CLIC6: variants seen among roughly 807,000 people sequenced by gnomAD.
CLIC6 encodes the protein CLIC family member 6.
A neutral mutation model predicts 49.2 loss-of-function variants in CLIC6; 39 were observed. The observed-to-expected ratio is 0.79, with a 90% CI of 0.61 to 1.04. The LOEUF is 1.04. CLIC6 is among the 50% of genes least tolerant of loss of function. CLIC6 has a pLI of 0.00. For missense variants in CLIC6, 988 were observed against 993.1 expected (o/e 0.99, Z 0.07); for synonymous variants, 446 against 433.4 (o/e 1.03, Z -0.36).
rs770619828 is a variant in CLIC6 at position 34,670,047 on chromosome 21, T to C, written c.659T>C (p.Val220Ala). The change falls in exon 1 of 6, where the codon GTA (valine) becomes GCA (alanine). Residue 220 changes from valine (V) to alanine (A), a missense_variant. By Grantham distance (64) the Val-to-Ala change is moderately conservative. This residue lies in a region of CLIC6 where 57 missense variants were observed against 117.6 expected (regional missense o/e 0.48). Transcript: ENST00000349499. ...IQAEGPAGDS[V>A]DAEGRVGDSV... ...GCCGAGGGCCCGGCGGGGGACAGCG[T>C]AGACGCGGAGGGCCGGGTGGGGGAC... 20 of 1,353,716 alleles carry C rather than the reference T, an allele frequency of 1.5e-5. No homozygotes were observed. The highest frequency in any genetic ancestry group is 3.9e-5 in the Admixed American group (1 of 25,472). The allele number at this position is 1,353,716 out of a possible 1,614,324, so 83.9% of individuals were successfully genotyped here. A position where few individuals can be genotyped will look rare whatever the true frequency, so the allele number is the denominator to read the frequency against.
intron 1 of CLIC6, among the ~76,000 whole-genome samples, chr21:34,703,265 G>A (rs1440577340): frequency 2.6e-5 from 4 of 152,166 alleles, no homozygotes; most frequent in Non-Finnish European, 5.9e-5. Context: ...TATTTGGGCA[G>A]AGTAGAGAAA....
intron 1 of CLIC6, among the ~76,000 whole-genome samples, chr21:34,687,505 T>C (rs781418163): frequency 6.6e-6 from 1 of 152,246 alleles, no homozygotes; most frequent in Non-Finnish European, 1.5e-5. Flanking sequence ...ATAATTCATA[T>C]ATAAGAATAG....
chr21:34,678,397 G>A (rs1210551840), intron 1 of CLIC6, among the ~76,000 whole-genome samples: 1 of 151,354 alleles, frequency 6.6e-6, no homozygotes, highest in Non-Finnish European at 1.5e-5. Flanking sequence ...AGCCGAGATT[G>A]CACTCCAGCC....
chr21:34,677,100 C>T (rs779169415), intron 1 of CLIC6, among the ~76,000 whole-genome samples: 7 of 152,158 alleles, frequency 4.6e-5, no homozygotes, highest in South Asian at 4.1e-4. Context: ...GGCTAAAATC[C>T]GTGCTTGTAT....
chr21:34,701,036 T>A lies in CLIC6; in HGVS notation c.1375-6244T>A, dbSNP rs1990178183. ...TCACTTGGAGTAGGTATAGGATGTGTTACTTTTTAGGAGAAAAAAAATCAG... is the reference window on the plus strand; with the variant it reads ...TCACTTGGAGTAGGTATAGGATGTGATACTTTTTAGGAGAAAAAAAATCAG... On this transcript the variant is annotated intron_variant, in intron 1 of 5. Transcript: ENST00000349499. Among the ~76,000 whole-genome samples, 3 of 138,106 alleles carry A rather than the reference T, an allele frequency of 2.2e-5. 1 individual carries two copies. In the South Asian group the frequency reaches 6.9e-4, roughly 32 times the overall value. 90.6% of individuals were successfully genotyped at this position (138,106 alleles called of 152,430 possible). A position where few individuals can be genotyped will look rare whatever the true frequency, so the allele number is the denominator to read the frequency against.
At chr21:34,692,436 G>A (rs779502369) in intron 1 of CLIC6, among the ~76,000 whole-genome samples, 31 of 152,252 alleles carry the variant, frequency 2.0e-4, no homozygotes, top group Admixed American at 1.1e-3. Flanking sequence ...CCCAGATCTC[G>A]CAAATCATAC....
Position 34,670,064 on chromosome 21 carries a change from G to T in CLIC6, c.676G>T (p.Val226Leu), listed in dbSNP as rs1033283785. Residue 226 changes from valine to leucine, a missense_variant, in exon 1 of 6, where the codon GTG becomes TTG. Val to Leu is a conservative substitution (Grantham distance 32). Coordinates refer to ENST00000349499, the MANE Select transcript of CLIC6 (RefSeq NM_053277.3). Reference sequence around the variant, plus strand: ...GGACAGCGTAGACGCGGAGGGCCGGGTGGGGGACAGCGTAGACGCGGAAGG... The same window carrying T: ...GGACAGCGTAGACGCGGAGGGCCGGTTGGGGGACAGCGTAGACGCGGAAGG... ...AGDSVDAEGRVGDSVDAEGPA... is the reference protein window; with the variant it reads ...AGDSVDAEGRLGDSVDAEGPA... The T allele has an allele frequency of 7.2e-7, 1 of 1,385,648 alleles. No homozygotes were observed. The highest frequency in any genetic ancestry group is 3.0e-5 in the East Asian group (1 of 33,816). The allele number at this position is 1,385,648 out of a possible 1,614,324, so 85.8% of individuals were successfully genotyped here. A position where few individuals can be genotyped will look rare whatever the true frequency, so the allele number is the denominator to read the frequency against.
At chr21:34,712,270 G>C (rs2056061842) in intron 5 of CLIC6, among the ~76,000 whole-genome samples, 1 of 152,168 alleles carries the variant, frequency 6.6e-6, no homozygotes, top group Admixed American at 6.5e-5. Flanking sequence ...AGAGTGTGAA[G>C]GGATTTATAA....
At position 34,714,695 on chromosome 21, in the gene CLIC6, A is replaced by C. The variant is rs968738332; in HGVS notation, c.1900-1626A>C. Among the ~76,000 whole-genome samples, 25 of 122,658 alleles carry C rather than the reference A, an allele frequency of 2.0e-4. No homozygotes were observed. The East Asian group carries it at 2.2e-3, about 11-fold the overall frequency. The allele number at this position is 122,658 out of a possible 152,430, so 80.5% of individuals were successfully genotyped here. On this transcript the variant is annotated intron_variant, in intron 5 of 5. Coordinates refer to ENST00000349499, the MANE Select transcript of CLIC6 (RefSeq NM_053277.3). ...GAGCGAGACTGTCTCAAAAAAACAA[A>C]AAAAAAAAAAAAAAACTTGATAAAT...
intron 1 of CLIC6, among the ~76,000 whole-genome samples, chr21:34,699,095 C>G (rs1990141244): frequency 6.6e-6 from 1 of 152,200 alleles, no homozygotes; most frequent in African/African-American, 2.4e-5. Context: ...TTTAGCATCT[C>G]TGAAGTTCAG....
rs753268577 is a variant in CLIC6 at position 34,708,777 on chromosome 21, T to TA, written c.1694dup (p.Asn565LysfsTer8). 52 of 1,613,880 alleles carry TA rather than the reference T, an allele frequency of 3.2e-5. No individual in the cohort carries two copies. The East Asian group carries it at 4.0e-4, about 12-fold the overall frequency. On this transcript the variant is annotated frameshift_variant, in exon 4 of 6. Coordinates refer to ENST00000349499, the MANE Select transcript of CLIC6 (RefSeq NM_053277.3). LOFTEE classifies it high-confidence loss of function. ...GTGTTTGCCAAATTCTCAGCGTTTATAAAAAACACGAAGAAGGATGCAAAT... is the reference window on the plus strand; with the variant it reads ...GTGTTTGCCAAATTCTCAGCGTTTATAAAAAAACACGAAGAAGGATGCAAAT...
Position 34,716,581 on chromosome 21 carries a change from T to A in CLIC6, c.*99T>A. On this transcript the variant is annotated 3_prime_UTR_variant, in exon 6 of 6. Transcript: ENST00000349499. ...TAGGTTTGGGTTCAATTCCTTCAAT[T>A]TTTAAAAAACTGGTCTCTGAGAGTT... is the stretch of plus-strand genomic sequence containing the variant. 1.0e-6 allele frequency: 1 copy of A among 981,766 alleles called. No individual in the cohort carries two copies. Among genetic ancestry groups the A allele is most frequent in the Non-Finnish European group, 1.4e-6 (1 of 706,430 alleles). 60.8% of individuals were successfully genotyped at this position (981,766 alleles called of 1,614,324 possible).
chr21:34,713,886 A>C (rs970620115), intron 5 of CLIC6, among the ~76,000 whole-genome samples: 13 of 152,194 alleles, frequency 8.5e-5, no homozygotes, highest in African/African-American at 1.4e-4. Context: ...TAATACCAAC[A>C]ACAGTAATAA....
intron 1 of CLIC6, among the ~76,000 whole-genome samples, chr21:34,703,085 C>A (rs753982625): frequency 1.3e-5 from 2 of 152,158 alleles, no homozygotes; most frequent in Non-Finnish European, 1.5e-5. Context: ...CTCCACCAGA[C>A]GCCATGTCTT....
Position 34,709,344 on chromosome 21 carries a change from C to A in CLIC6, c.1718-13C>A. 1 of 1,604,910 alleles carries A rather than the reference C, an allele frequency of 6.2e-7. No homozygotes were observed. On this transcript the variant is annotated splice_polypyrimidine_tract_variant and intron_variant, in intron 4 of 5. Coordinates refer to ENST00000349499, the MANE Select transcript of CLIC6 (RefSeq NM_053277.3). Reference sequence around the variant, plus strand: ...CAAACCTCTCTTTGTGATTTCTTGCCCTTCTGTTTTAGTTCATGAAAAGAA... The same window carrying A: ...CAAACCTCTCTTTGTGATTTCTTGCACTTCTGTTTTAGTTCATGAAAAGAA...
intron 1 of CLIC6, among the ~76,000 whole-genome samples, chr21:34,681,725 A>G (rs1989783923): frequency 1.3e-5 from 2 of 152,346 alleles, no homozygotes; most frequent in Non-Finnish European, 2.9e-5. Context: ...GGAAGAAGCC[A>G]TAATGCCTTT....
At chr21:34,673,532 C>G (rs1950423550) in intron 1 of CLIC6, among the ~76,000 whole-genome samples, 1 of 152,178 alleles carries the variant, frequency 6.6e-6, no homozygotes, top group Non-Finnish European at 1.5e-5. Context: ...CTCAGGTGAT[C>G]CACCCACCGT....
At chr21:34,698,867 A>AC (rs929006397) in intron 1 of CLIC6, among the ~76,000 whole-genome samples, 14 of 151,720 alleles carry the variant, frequency 9.2e-5, no homozygotes, top group African/African-American at 2.9e-4. Flanking sequence ...AGCCAGAGAG[A>AC]CCCCCCAGGC....
rs1307820482 is a variant in CLIC6 at position 34,670,730 on chromosome 21, G to A, written c.1342G>A (p.Gly448Arg). The A allele has an allele frequency of 1.2e-5, 19 of 1,600,218 alleles. No homozygotes were observed. Among genetic ancestry groups the A allele is most frequent in the Non-Finnish European group, 1.5e-5 (18 of 1,177,674 alleles). ...DGEASEPRALGQEHDITLFVK... is the reference protein window; with the variant it reads ...DGEASEPRALRQEHDITLFVK... ...AGAGGCGTCCGAGCCCCGGGCCCTG[G>A]GGCAGGAGCACGACATCACCCTCTT... Residue 448 changes from glycine to arginine, a missense_variant, in exon 1 of 6, where the codon GGG (glycine) becomes AGG (arginine). Physicochemically the swap from Gly to Arg is moderately radical, Grantham distance 125 (BLOSUM62 -2). Transcript: ENST00000349499.
Sources: gnomAD v4.1 joint callset for allele counts (sites outside exome capture counted in the v4.1 genomes callset) on GRCh38, gnomAD v4.1.1 for gene constraint, gnomAD v4.1.1 regional missense constraint, MANE v1.5 for transcripts, NCBI Gene and HGNC (gene_info 2026-07-23, HGNC 2026-07-21) for gene names.